Variants in DNMBP observed in about 807,000 individuals in gnomAD.
DNMBP encodes the protein dynamin-binding protein.
Under a neutral mutation model 150.0 loss-of-function variants are expected in DNMBP, and 87 were observed. That is an observed-to-expected ratio of 0.58 (90% CI 0.49 to 0.69). DNMBP has a LOEUF of 0.69. DNMBP is among the 30% of genes least tolerant of loss of function. DNMBP has a pLI of 0.00. For synonymous variants in DNMBP, 711 were observed against 750.4 expected, an observed-to-expected ratio of 0.95 and a Z score of 0.86; for missense variants, 1,774 against 1,949.0, an observed-to-expected ratio of 0.91 and a Z score of 1.69.
chr10:99,883,142 T>G (rs956717940), intron 15 of DNMBP, among the ~76,000 whole-genome samples: 3 of 73,852 alleles, frequency 4.1e-5, no homozygotes, highest in Non-Finnish European at 8.9e-5. Flanking sequence ...TTCATTCAGG[T>G]TTTGGCAAAA....
At chr10:99,949,596 T>C (rs1332724089) in intron 4 of DNMBP, among the ~76,000 whole-genome samples, 1 of 152,164 alleles carries the variant, frequency 6.6e-6, no homozygotes, top group East Asian at 1.9e-4. Context: ...GCAATAGATA[T>C]TATCAAAACA....
intron 4 of DNMBP, chr10:99,930,855 T>A (rs188891817): frequency 2.0e-5 from 12 of 586,682 alleles, no homozygotes; most frequent in East Asian, 1.1e-4. Flanking sequence ...AAGGCTGGAT[T>A]TGTCCTGCTT....
At chr10:99,964,850 G>A (rs1193738478) in intron 3 of DNMBP, among the ~76,000 whole-genome samples, 1 of 147,610 alleles carries the variant, frequency 6.8e-6, no homozygotes, top group African/African-American at 2.5e-5. Context: ...CCGCCTGGGC[G>A]ACAGTGTGAG....
chr10:99,893,471 C>T (rs907288597), intron 11 of DNMBP, among the ~76,000 whole-genome samples: 1 of 152,244 alleles, frequency 6.6e-6, no homozygotes, highest in African/African-American at 2.4e-5. Context: ...CGCGGTGGCT[C>T]ACGCCTGTAA....
In DNMBP at chr10:99,880,351, GCCTT is replaced by G. The variant is rs1291938580; in HGVS notation, c.4004_4007del (p.Lys1335ThrfsTer8). On this transcript the variant is annotated frameshift_variant, in exon 16 of 17. Coordinates refer to ENST00000324109, the MANE Select transcript of DNMBP (RefSeq NM_015221.4). LOFTEE classifies it high-confidence loss of function. ...GCTTTAGGAAAGAGCTGTACACGAAGCCTTTGGTGACTACAAAGGAAACAGGAAA... is the reference window on the plus strand; with the variant it reads ...GCTTTAGGAAAGAGCTGTACACGAAGTGGTGACTACAAAGGAAACAGGAAA... 1.3e-6 allele frequency: 2 copies of G among 1,587,042 alleles called. No homozygotes were observed. The highest frequency in any genetic ancestry group is 1.7e-6 in the Non-Finnish European group (2 of 1,166,810).
intron 1 of DNMBP, among the ~76,000 whole-genome samples, chr10:99,991,968 T>C (rs1293029470): frequency 6.9e-6 from 1 of 145,822 alleles, no homozygotes; most frequent in Non-Finnish European, 1.5e-5. Context: ...CTGGGAGCAG[T>C]AGCACATGCC....
At chr10:99,943,992 A>G (rs1324376045) in intron 4 of DNMBP, among the ~76,000 whole-genome samples, 1 of 152,196 alleles carries the variant, frequency 6.6e-6, no homozygotes, top group Admixed American at 6.5e-5. Context: ...TTACTTGTAG[A>G]GTCTCTGGTC....
At chr10:99,999,579 T>C (rs1350940538) in intron 1 of DNMBP, among the ~76,000 whole-genome samples, 1 of 152,246 alleles carries the variant, frequency 6.6e-6, no homozygotes, top group Non-Finnish European at 1.5e-5. Context: ...CTAAGACATT[T>C]TGATAGCAAG....
intron 3 of DNMBP, chr10:99,958,147 T>G (rs2133335776): frequency 6.6e-6 from 1 of 152,250 alleles, no homozygotes; most frequent in African/African-American, 2.4e-5. Flanking sequence ...ATAAATTAAT[T>G]AAAAACTGCT....
intron 4 of DNMBP, among the ~76,000 whole-genome samples, chr10:99,937,543 C>A (rs12766648): frequency 0.31 from 47,874 of 152,056 alleles, 7,605 homozygotes; most frequent in Non-Finnish European, 0.33. Context: ...AAGAATATCT[C>A]AAAACACAGT....
chr10:99,918,676 C>A (rs1259481387), intron 4 of DNMBP, among the ~76,000 whole-genome samples: 2 of 149,730 alleles, frequency 1.3e-5, no homozygotes, highest in Admixed American at 1.4e-4. Flanking sequence ...AAACAATTAT[C>A]CTGCCTTAGC....
Position 99,896,310 on chromosome 10 carries a change from C to T in DNMBP, c.3008G>A (p.Arg1003Gln), listed in dbSNP as rs746395739. The T allele has an allele frequency of 8.1e-6, 13 of 1,614,044 alleles. No individual in the cohort carries two copies. The highest frequency in any genetic ancestry group is 6.7e-5 in the Admixed American group (4 of 59,998). Residue 1003 changes from arginine (R) to glutamine (Q), a missense_variant, in exon 10 of 17, where the codon CGA (arginine) becomes CAA (glutamine). By Grantham distance (43) the Arg-to-Gln change is conservative. This residue lies in a region of DNMBP where 1,430 missense variants were observed against 1,492.5 expected (regional missense o/e 0.96). Coordinates refer to ENST00000324109, the MANE Select transcript of DNMBP (RefSeq NM_015221.4). ...GAGATGCTTCAGGTGACTGCTAACT[C>T]GGTTGGATTTCTTGATGATGGAGTG... ...NIHSIIKKSN[R>Q]VSSHLKHLTG...
chr10:99,899,730 A>G (rs1378812126), intron 7 of DNMBP, 189 bp downstream of exon 7: 4 of 685,550 alleles, frequency 5.8e-6, no homozygotes, highest in Non-Finnish European at 7.5e-6. Flanking sequence ...GATAACGCTA[A>G]CCTAATACTC....
rs566731706 is a variant in DNMBP, at chr10:100,002,377, C to T, written c.-11+7461G>A. The stretch of plus-strand genomic sequence containing the variant: ...GGCCATGAGAATTCACTGCCCAACA[C>T]CCTAGCAGTTAGTGCTGCTAAACAG... On this transcript the variant is annotated intron_variant, in intron 1 of 16. Transcript: ENST00000324109. 1.3e-4 allele frequency among the ~76,000 whole-genome samples: 20 copies of T among 152,294 alleles called. No individual in the cohort carries two copies. The East Asian group carries it at 3.3e-3, about 25-fold the overall frequency.
chr10:99,975,219 G>A (rs931688370), intron 1 of DNMBP, among the ~76,000 whole-genome samples: 2 of 152,136 alleles, frequency 1.3e-5, no homozygotes, highest in African/African-American at 4.8e-5. Context: ...AATTAGCCAG[G>A]CGTGGTGGTG....
At chr10:99,889,127 G>A (rs1030980400) in intron 11 of DNMBP, 174 bp from the exon 12 acceptor site, 14 of 665,558 alleles carry the variant, frequency 2.1e-5, no homozygotes, top group Admixed American at 1.6e-4. Flanking sequence ...TATGACTTAC[G>A]GGGCACAGAG....
Position 99,986,327 on chromosome 10 carries a change from T to C in DNMBP, c.-10-14193A>G, listed in dbSNP as rs147107097. Among the ~76,000 whole-genome samples, 1,292 of 151,944 alleles carry C rather than the reference T, an allele frequency of 8.5e-3. 19 individuals are homozygous for C. The highest frequency in any genetic ancestry group is 0.044 in the Middle Eastern group (13 of 294). ...GAGTTCATGTCCAGCCTGGGCAACA[T>C]AGTGAGACCCCATCTCTGGAAAAAA... On this transcript the variant is annotated intron_variant, in intron 1 of 16. Coordinates refer to ENST00000324109, the MANE Select transcript of DNMBP (RefSeq NM_015221.4).
At chr10:99,937,300 C>T (rs76241602) in intron 4 of DNMBP, among the ~76,000 whole-genome samples, 9,362 of 152,208 alleles carry the variant, frequency 0.062, 391 homozygotes, top group African/African-American at 0.11. Flanking sequence ...AGCAACAGCC[C>T]AGGCAGCTAC....
chr10:99,960,923 A>G (rs945536489), intron 3 of DNMBP, among the ~76,000 whole-genome samples: 3 of 151,724 alleles, frequency 2.0e-5, no homozygotes, highest in Non-Finnish European at 2.9e-5. Context: ...GCTACAGTGA[A>G]CTATGATCGG....
Sources: allele counts gnomAD v4.1 joint callset (sites outside exome capture counted in the v4.1 genomes callset), GRCh38; gene constraint gnomAD v4.1.1; regional missense constraint gnomAD v4.1.1; transcripts MANE v1.5; gene names NCBI Gene and HGNC (gene_info 2026-07-23, HGNC 2026-07-21).